Variants in POF1B observed in about 807,000 individuals in gnomAD.
The protein encoded by POF1B is POF1B actin binding protein.
In POF1B, 53 loss-of-function variants were observed where a neutral mutation model predicts 55.3. The ratio of observed to expected loss-of-function variants is 0.96; its 90% CI spans 0.77 to 1.20. POF1B has a LOEUF of 1.20. Among genes scored for constraint, POF1B ranks in the 50% most tolerant of loss-of-function variants. POF1B has a pLI of 0.00. For synonymous variants in POF1B, 188 were observed against 148.3 expected (o/e 1.27, Z -1.95); for missense variants, 478 against 420.5 (o/e 1.14, Z -1.20).
chrX:85,290,289 T>C (rs891652446), intron 15 of POF1B, among the ~76,000 whole-genome samples: 1 of 86,519 alleles, frequency 1.2e-5, no homozygotes, highest in African/African-American at 4.2e-5. Flanking sequence ...AAGACATGAT[T>C]TTTTTTTTAT....
At chrX:85,310,757 A>G (rs1157046080) in intron 9 of POF1B, among the ~76,000 whole-genome samples, 1 of 111,838 alleles carries the variant, frequency 8.9e-6, no homozygotes, top group African/African-American at 3.2e-5. Context: ...CATATCCCAA[A>G]CAATATAAAC....
intron 7 of POF1B, among the ~76,000 whole-genome samples, chrX:85,325,142 G>T (rs889485899): frequency 6.3e-5 from 7 of 111,123 alleles, no homozygotes; most frequent in African/African-American, 2.3e-4. Flanking sequence ...TTCATTTCGA[G>T]AATCTGATGA....
chrX:85,345,463 G>A (rs1212401131), intron 6 of POF1B, among the ~76,000 whole-genome samples: 1 of 111,175 alleles, frequency 9.0e-6, no homozygotes, highest in Non-Finnish European at 1.9e-5. Flanking sequence ...AAGACATACA[G>A]GAAGTAAATA....
At position 85,374,076 on chromosome X, in the gene POF1B, T is replaced by C. The variant is rs941686384; in HGVS notation, c.282+5097A>G. On this transcript the variant is annotated intron_variant, in intron 2 of 16. Transcript: ENST00000262753. Reference sequence around the variant, plus strand: ...AGGTTTTTGCAGCAGAGGAGTGATATGGGATGTGTATAGGGAATTTAAGCA... The same window carrying C: ...AGGTTTTTGCAGCAGAGGAGTGATACGGGATGTGTATAGGGAATTTAAGCA... Among the ~76,000 whole-genome samples, 17 of 111,131 alleles carry C rather than the reference T, an allele frequency of 1.5e-4. 1 individual carries two copies. The highest frequency in any genetic ancestry group is 4.6e-4 in the African/African-American group (14 of 30,582).
chrX:85,324,522 G>T (rs12014790), intron 7 of POF1B, among the ~76,000 whole-genome samples: 23,853 of 109,984 alleles, frequency 0.22, 2,488 homozygotes, highest in African/African-American at 0.41. Context: ...TGAAATTAGG[G>T]TTATAACCCC....
At chrX:85,378,828 G>C (rs895164242) in intron 2 of POF1B, among the ~76,000 whole-genome samples, 1 of 112,239 alleles carries the variant, frequency 8.9e-6, no homozygotes, top group Admixed American at 9.4e-5. Context: ...TAATCAGTAG[G>C]AACTTGTTCT....
chrX:85,328,774 C>T (rs1569289627), intron 7 of POF1B, among the ~76,000 whole-genome samples: 1 of 107,983 alleles, frequency 9.3e-6, no homozygotes, highest in Non-Finnish European at 1.9e-5. Context: ...TCATTTATTG[C>T]TTTAACAAAT....
chrX:85,317,404 C>A (rs777000221), intron 7 of POF1B, among the ~76,000 whole-genome samples: 29 of 109,753 alleles, frequency 2.6e-4, no homozygotes, highest in Middle Eastern at 9.4e-3. Flanking sequence ...AGTGCATAAG[C>A]ATTACCTTTT....
At chrX:85,350,087 G>A (rs1179155752) in intron 5 of POF1B, among the ~76,000 whole-genome samples, 1 of 110,098 alleles carries the variant, frequency 9.1e-6, no homozygotes, top group African/African-American at 3.3e-5. Flanking sequence ...CAATGTGCAA[G>A]TTAGTTACAT....
At chrX:85,316,248 G>T (rs771427902) in intron 7 of POF1B, among the ~76,000 whole-genome samples, 2 of 111,521 alleles carry the variant, frequency 1.8e-5, no homozygotes, top group Non-Finnish European at 3.8e-5. Context: ...GAGTATATTT[G>T]GTAATGACTG....
At chrX:85,289,220 C>CA (rs1157126462) in intron 15 of POF1B, among the ~76,000 whole-genome samples, 1 of 111,717 alleles carries the variant, frequency 9.0e-6, no homozygotes. Flanking sequence ...GAAATGAAAG[C>CA]ATATCACAAG....
At chrX:85,351,201 A>C (rs1933379240) in intron 5 of POF1B, 149 bp downstream of exon 5, 1 of 356,783 alleles carries the variant, frequency 2.8e-6, no homozygotes, top group African/African-American at 2.7e-5. Context: ...AGTATTAAGG[A>C]TGGTATGAAG....
At chrX:85,322,346 G>T (rs778460351) in intron 7 of POF1B, among the ~76,000 whole-genome samples, 2 of 110,849 alleles carry the variant, frequency 1.8e-5, no homozygotes, top group Non-Finnish European at 1.9e-5. Flanking sequence ...AATGGGGAAA[G>T]GATTCCCTAT....
In POF1B at chrX:85,279,426, G is replaced by A; in HGVS notation, c.1765C>T (p.Pro589Ser). 8.4e-7 allele frequency: 1 copy of A among 1,188,234 alleles called. No homozygotes were observed. The highest frequency in any genetic ancestry group is 1.1e-6 in the Non-Finnish European group (1 of 878,675). The change falls in exon 17 of 17, where the codon CCA (proline) becomes TCA (serine). Residue 589 changes from proline (P) to serine (S), a missense_variant and splice_region_variant. Coordinates refer to ENST00000262753, the MANE Select transcript of POF1B (RefSeq NM_024921.4). ...IEKTEDKYTC[P>S] is the part of the protein sequence containing the mutation. ...ATACTTTAAAGTGGATCCATTCATG[G>A]CTAGAAAAGAAAAAAAAAGGTTATC...
rs180761288 is a variant in POF1B, at chrX:85,305,838, C to G, written c.1390G>C (p.Val464Leu). The G allele has an allele frequency of 1.7e-6, 2 of 1,207,571 alleles. No individual in the cohort carries two copies. Among genetic ancestry groups the G allele is most frequent in the African/African-American group, 3.5e-5 (2 of 57,036 alleles). The change falls in exon 13 of 17, where the codon GTA (valine) becomes CTA (leucine). Residue 464 changes from valine (V) to leucine (L), a missense_variant. Coordinates refer to ENST00000262753, the MANE Select transcript of POF1B (RefSeq NM_024921.4). ...DEIGNHYTEMVKNLRMEKDRE... is the reference protein window; with the variant it reads ...DEIGNHYTEMLKNLRMEKDRE... ...TCTTTCTCCATTCTCAAGTTTTTTACCATCTCCGTGTAGTGGTTGCCAATC... is the reference window on the plus strand; with the variant it reads ...TCTTTCTCCATTCTCAAGTTTTTTAGCATCTCCGTGTAGTGGTTGCCAATC...
In POF1B at chrX:85,353,675, C is replaced by T. The variant is rs141189359; in HGVS notation, c.439-2224G>A. ...GTCTGGGTAGACACTCAGATGTAGA[C>T]GTTCAATGCATAGGTGAAAACACAG... On this transcript the variant is annotated intron_variant, in intron 4 of 16. Transcript: ENST00000262753. Among the ~76,000 whole-genome samples the T allele has an allele frequency of 4.5e-3, 499 of 110,699 alleles. 9 individuals carry two copies. In the East Asian group the frequency reaches 0.082, roughly 18 times the overall value.
intron 11 of POF1B, 85 bp from the exon 12 acceptor site, chrX:85,306,418 T>C: frequency 1.0e-6 from 1 of 961,825 alleles, no homozygotes; most frequent in Non-Finnish European, 1.4e-6. Flanking sequence ...TTCAATTGAA[T>C]CAAGTAAATA....
At position 85,308,159 on chromosome X, in the gene POF1B, G is replaced by A. The variant is rs200939713; in HGVS notation, c.1015C>T (p.Arg339Trp). Residue 339 changes from arginine to tryptophan, a missense_variant, in exon 10 of 17, where the codon CGG becomes TGG. Physicochemically the swap from Arg to Trp is moderately radical, Grantham distance 101. Transcript: ENST00000262753. Reference protein sequence around the residue: ...RLVLSTFSNIREELGHLQNDM... With the variant: ...RLVLSTFSNIWEELGHLQNDM... ...TTTTGAAGATGTCCAAGCTCCTCCC[G>A]TATGTTGCTAAATGTGGACAGCACT... 105 of 1,191,888 alleles carry A rather than the reference G, an allele frequency of 8.8e-5. No homozygotes were observed. Among genetic ancestry groups the A allele is most frequent in the Non-Finnish European group, 2.8e-5 (25 of 883,746 alleles).
chrX:85,336,932 A>G (rs1381953982), intron 6 of POF1B, among the ~76,000 whole-genome samples: 1 of 111,727 alleles, frequency 9.0e-6, no homozygotes, highest in Admixed American at 9.5e-5. Flanking sequence ...AGTTTGAGGC[A>G]TTAGATTTAT....
Sources: allele counts gnomAD v4.1 joint callset (sites outside exome capture counted in the v4.1 genomes callset), GRCh38; gene constraint gnomAD v4.1.1; transcripts MANE v1.5; gene names NCBI Gene and HGNC (gene_info 2026-07-23, HGNC 2026-07-21).